The following LPA variants were observed in gnomAD, a reference collection of about 807,000 sequenced individuals.
The protein encoded by LPA is apolipoprotein(a).
Under a neutral mutation model 197.9 loss-of-function variants are expected in LPA, and 199 were observed. The observed-to-expected ratio is 1.01, with a 90% CI of 0.90 to 1.13. LPA has a LOEUF of 1.13. Among genes scored for constraint, LPA ranks in the 50% most tolerant of loss-of-function variants. LPA has a pLI of 0.00. For missense variants in LPA, 1,853 were observed against 1,785.8 expected (o/e 1.04, Z -0.68); for synonymous variants, 715 against 639.5 (o/e 1.12, Z -1.78).
intron 2 of LPA, 84 bp downstream of exon 2, chr6:160,650,254 A>T (rs1449140116): frequency 7.1e-7 from 1 of 1,403,646 alleles, no homozygotes; most frequent in East Asian, 2.3e-5. Context: ...AAATTTAATC[A>T]TAAGAAGTTA....
At chr6:160,562,974 C>G (rs139465417) in intron 28 of LPA, among the ~76,000 whole-genome samples, 1 of 152,004 alleles carries the variant, frequency 6.6e-6, no homozygotes, top group Non-Finnish European at 1.5e-5. Flanking sequence ...CTTTATTAGT[C>G]TGGCTAGGCT....
intron 20 of LPA, 28 bp from the exon 21 acceptor site, chr6:160,595,563 C>T (rs1273249907): frequency 3.7e-6 from 6 of 1,613,664 alleles, no homozygotes; most frequent in Non-Finnish European, 5.1e-6. Context: ...ACACAGGTCA[C>T]CAGAGATGGG....
At chr6:160,649,242 A>G (rs1391730858) in intron 2 of LPA, among the ~76,000 whole-genome samples, 1 of 151,812 alleles carries the variant, frequency 6.6e-6, no homozygotes, top group Non-Finnish European at 1.5e-5. Flanking sequence ...TGTGGTCCAA[A>G]CTCCAATATC....
intron 7 of LPA, among the ~76,000 whole-genome samples, chr6:160,634,522 C>T (rs1156511660): frequency 1.4e-5 from 2 of 140,126 alleles, no homozygotes; most frequent in Admixed American, 1.4e-4. Flanking sequence ...AGTCTACTAA[C>T]CTTTCTCTCT....
chr6:160,557,477 G>T lies in LPA; in HGVS notation c.4726C>A (p.Leu1576Met). The T allele has an allele frequency of 6.2e-7, 1 of 1,614,102 alleles. No homozygotes were observed. The highest frequency in any genetic ancestry group is 8.5e-7 in the Non-Finnish European group (1 of 1,180,014). Residue 1576 changes from leucine (L) to methionine (M), a missense_variant, in exon 29 of 39, where the codon CTG becomes ATG. Physicochemically the swap from Leu to Met is conservative, Grantham distance 15. This residue lies in a region of LPA where 1,737 missense variants were observed against 1,504.4 expected (regional missense o/e 1.15). Transcript: ENST00000316300. ...DPCVRWEYCN[L>M]TQCSETESGV... ...GATTCTGTTTCTGAGCATTGTGTCA[G>T]ATTGCAGTACTCCCACCTCACACAC...
chr6:160,653,991 ATATATT>A (rs1562354584), intron 1 of LPA, among the ~76,000 whole-genome samples: 3 of 13,582 alleles, frequency 2.2e-4, no homozygotes, highest in African/African-American at 1.2e-3. Context: ...AATATATAAT[ATATATT>A]ATATATAATA....
At chr6:160,662,387 G>T (rs747290233) in intron 1 of LPA, among the ~76,000 whole-genome samples, 3 of 152,112 alleles carry the variant, frequency 2.0e-5, no homozygotes, top group Non-Finnish European at 2.9e-5. Context: ...ATGTTTCTCC[G>T]CTTCTCACTG....
chr6:160,585,109 C>CAA lies in LPA; in HGVS notation c.4225_4226insTT (p.Cys1409PhefsTer8), dbSNP rs766257793. 2 of 1,613,736 alleles carry CAA rather than the reference C, an allele frequency of 1.2e-6. No individual in the cohort carries two copies. The highest frequency in any genetic ancestry group is 1.7e-6 in the Non-Finnish European group (2 of 1,179,830). Reference sequence around the variant, plus strand: ...TGGTGTCATAGACGACCAAGACTGACATGTTCTTCCTGTGATAGTGGTGGA... The same window carrying CAA: ...TGGTGTCATAGACGACCAAGACTGACAAATGTTCTTCCTGTGATAGTGGTGGA... On this transcript the variant is annotated frameshift_variant, in exon 26 of 39. Coordinates refer to ENST00000316300, the MANE Select transcript of LPA (RefSeq NM_005577.4). LOFTEE classifies it high-confidence loss of function.
At chr6:160,656,564 G>A (rs1020109860) in intron 1 of LPA, among the ~76,000 whole-genome samples, 9 of 152,128 alleles carry the variant, frequency 5.9e-5, no homozygotes, top group South Asian at 2.1e-4. Flanking sequence ...TGGAATCAAC[G>A]TCAGCTCAGA....
In LPA at chr6:160,589,713, C is replaced by T. The variant is rs1475519127; in HGVS notation, c.3788-1G>A. 1.9e-6 allele frequency: 3 copies of T among 1,613,724 alleles called. No homozygotes were observed. Among genetic ancestry groups the T allele is most frequent in the Non-Finnish European group, 2.5e-6 (3 of 1,179,758 alleles). On this transcript the variant is annotated splice_acceptor_variant, in intron 23 of 38. Coordinates refer to ENST00000316300, the MANE Select transcript of LPA (RefSeq NM_005577.4). LOFTEE classifies it high-confidence loss of function. ...ACTGTGGGGCTTTGCTCCGTTGGTGCTGAAATTCAAAGAGGAGAAAACAAA... is the reference window on the plus strand; with the variant it reads ...ACTGTGGGGCTTTGCTCCGTTGGTGTTGAAATTCAAAGAGGAGAAAACAAA...
rs1778881231 is a variant in LPA, at chr6:160,585,058, T to C, written c.4277A>G (p.Tyr1426Cys). 5 of 1,613,720 alleles carry C rather than the reference T, an allele frequency of 3.1e-6. No individual in the cohort carries two copies. Among genetic ancestry groups the C allele is most frequent in the African/African-American group, 1.3e-5 (1 of 74,998 alleles). ...ATGATAGACATACGCATTTGGATAG[T>C]ATAATGGGATCCTCCGATGCCAATG... ...TPHWHRRIPLYYPNAGLTRNY... is the reference protein window; with the variant it reads ...TPHWHRRIPLCYPNAGLTRNY... The change falls in exon 26 of 39, where the codon TAC becomes TGC. Residue 1426 changes from tyrosine (Y) to cysteine (C), a missense_variant. By Grantham distance (194) the Tyr-to-Cys change is radical. This residue lies in a region of LPA where 1,737 missense variants were observed against 1,504.4 expected (regional missense o/e 1.15). Transcript: ENST00000316300.
intron 21 of LPA, 83 bp downstream of exon 21, chr6:160,595,271 G>A: frequency 6.5e-7 from 1 of 1,530,614 alleles, no homozygotes; most frequent in Non-Finnish European, 9.0e-7. Context: ...TGTGAGCATG[G>A]AAGGCTTCTA....
At chr6:160,537,095 G>A (rs1043212428) in intron 37 of LPA, among the ~76,000 whole-genome samples, 3 of 152,174 alleles carry the variant, frequency 2.0e-5, no homozygotes, top group African/African-American at 4.8e-5. Flanking sequence ...CTCTGAGAAA[G>A]TAGAGCTGAG....
chr6:160,585,251 G>A (rs1409976217), intron 25 of LPA, 46 bp from the exon 26 acceptor site: 1 of 1,600,852 alleles, frequency 6.2e-7, no homozygotes, highest in South Asian at 1.1e-5. Context: ...CTAGAAAAGG[G>A]AAATGTGAAA....
In LPA at chr6:160,548,674, G is replaced by A. The variant is rs779953545; in HGVS notation, c.4974-15C>T. 1.2e-6 allele frequency: 2 copies of A among 1,613,740 alleles called. No individual in the cohort carries two copies. The highest frequency in any genetic ancestry group is 2.2e-5 in the East Asian group (1 of 44,860). ...TTGTCAGGCCACTGGAAATTCCAAA[G>A]CAATACAAGTTACAGGAGGCGGAAG... On this transcript the variant is annotated splice_polypyrimidine_tract_variant and intron_variant, in intron 30 of 38. Transcript: ENST00000316300.
At chr6:160,610,378 G>A (rs1450932622) in intron 16 of LPA, among the ~76,000 whole-genome samples, 2 of 152,106 alleles carry the variant, frequency 1.3e-5, no homozygotes, top group Non-Finnish European at 2.9e-5. Context: ...TATACTAATT[G>A]TACTTTGAAA....
chr6:160,652,966 G>GA (rs1011880828), intron 1 of LPA, among the ~76,000 whole-genome samples: 2 of 151,876 alleles, frequency 1.3e-5, no homozygotes, highest in African/African-American at 4.8e-5. Context: ...AGAAAAATAT[G>GA]AAAAAAGGAA....
Position 160,552,035 on chromosome 6 carries a change from T to C in LPA, c.4974-3376A>G, listed in dbSNP as rs528350867. ...TCAAGCAATCCTCTCACCTCAGCATTCCGAGTAGCTGAAACTACATGTGCA... is the reference window on the plus strand; with the variant it reads ...TCAAGCAATCCTCTCACCTCAGCATCCCGAGTAGCTGAAACTACATGTGCA... On this transcript the variant is annotated intron_variant, in intron 30 of 38. Transcript: ENST00000316300. Among the ~76,000 whole-genome samples, 8 of 152,056 alleles carry C rather than the reference T, an allele frequency of 5.3e-5. No individual in the cohort carries two copies. The East Asian group carries it at 1.4e-3, about 26-fold the overall frequency.
rs1778201819 is a variant in LPA, at chr6:160,553,650, A to C, written c.4973+2375T>G. Among the ~76,000 whole-genome samples, 3 of 152,118 alleles carry C rather than the reference A, an allele frequency of 2.0e-5. No homozygotes were observed. The South Asian group carries it at 6.2e-4, about 32-fold the overall frequency. ...TTATCCTTGTTATCTTTGATGTTGGACGATTTATCTATAATGTACCCAAGT... is the reference window on the plus strand; with the variant it reads ...TTATCCTTGTTATCTTTGATGTTGGCCGATTTATCTATAATGTACCCAAGT... On this transcript the variant is annotated intron_variant, in intron 30 of 38. Transcript: ENST00000316300.
Sources: gnomAD v4.1 joint callset for allele counts (sites outside exome capture counted in the v4.1 genomes callset) on GRCh38, gnomAD v4.1.1 for gene constraint, gnomAD v4.1.1 regional missense constraint, MANE v1.5 for transcripts, NCBI Gene and HGNC (gene_info 2026-07-23, HGNC 2026-07-21) for gene names.